TACC2: variants seen among roughly 807,000 people sequenced by gnomAD.
TACC2 encodes transforming acidic coiled-coil containing protein 2.
In TACC2, 137 loss-of-function variants were observed where a neutral mutation model predicts 227.3. The observed-to-expected ratio is 0.60, with a 90% confidence interval of 0.52 to 0.69. TACC2 has a LOEUF of 0.69. Among genes scored for constraint, TACC2 ranks in the 30% least tolerant of loss-of-function variants. TACC2 has a pLI of 0.00. For missense variants in TACC2, 3,470 were observed against 3,694.4 expected (o/e 0.94, Z 1.57); for synonymous variants, 1,523 against 1,487.5 (o/e 1.02, Z -0.55).
chr10:122,093,097 CT>C (rs59323311), intron 5 of TACC2, among the ~76,000 whole-genome samples: 133,275 of 146,554 alleles, frequency 0.91, 61,042 homozygotes, highest in Non-Finnish European at 0.97. Context: ...TTGTCTCTCT[CT>C]TTTTTTTTTT....
intron 1 of TACC2, among the ~76,000 whole-genome samples, chr10:121,998,895 T>C (rs1306289072): frequency 6.6e-6 from 1 of 152,320 alleles, no homozygotes; most frequent in South Asian, 2.1e-4. Flanking sequence ...CTTTACTGCA[T>C]GTTAAGCAAG....
intron 11 of TACC2, among the ~76,000 whole-genome samples, chr10:122,224,361 A>G (rs554694798): frequency 2.0e-5 from 3 of 152,274 alleles, no homozygotes; most frequent in East Asian, 1.9e-4. Context: ...CTCACCTGAC[A>G]GTTACAGAGG....
chr10:122,126,316 C>CTGTGTGTGTGTGTGTGTGTG (rs3037067), intron 5 of TACC2, among the ~76,000 whole-genome samples: 11,928 of 141,864 alleles, frequency 0.084, 745 homozygotes, highest in Non-Finnish European at 0.11. Flanking sequence ...TAATCCAGAA[C>CTGTGTGTGTGTGTGTGTGTG]TGTGTGTGTG....
chr10:122,243,034 C>G (rs534592975), intron 19 of TACC2, among the ~76,000 whole-genome samples: 1 of 152,296 alleles, frequency 6.6e-6, no homozygotes, highest in Middle Eastern at 3.4e-3. Context: ...ACCTCCACCC[C>G]CCAGGTTCGA....
chr10:122,008,265 T>TTATTATTA (rs1342584652), intron 1 of TACC2, among the ~76,000 whole-genome samples: 2 of 9,746 alleles, frequency 2.1e-4, no homozygotes, highest in African/African-American at 6.3e-4. Context: ...ATTATTATTA[T>TTATTATTA]TTTTTTTTTT....
At chr10:122,042,199 C>G (rs1044189692) in intron 2 of TACC2, among the ~76,000 whole-genome samples, 6 of 152,026 alleles carry the variant, frequency 3.9e-5, no homozygotes, top group South Asian at 2.1e-4. Context: ...CCCATCTCAG[C>G]CTTCCAAAGT....
intron 8 of TACC2, among the ~76,000 whole-genome samples, chr10:122,197,943 A>T (rs934673596): frequency 6.6e-6 from 1 of 152,238 alleles, no homozygotes; most frequent in African/African-American, 2.4e-5. Flanking sequence ...GTAGGAGAAG[A>T]AAGATTTGTT....
intron 18 of TACC2, among the ~76,000 whole-genome samples, chr10:122,239,869 C>A (rs750136000): frequency 1.3e-5 from 2 of 152,226 alleles, no homozygotes; most frequent in African/African-American, 4.8e-5. Flanking sequence ...GGCTCTGCTT[C>A]CCAGCCACTC....
At chr10:122,246,251 A>T (rs186820611) in intron 19 of TACC2, among the ~76,000 whole-genome samples, 1 of 151,950 alleles carries the variant, frequency 6.6e-6, no homozygotes, top group Admixed American at 6.6e-5. Context: ...ATAAATCCAC[A>T]CTCACGTGGG....
chr10:122,169,080 T>C (rs1455481323), intron 7 of TACC2, among the ~76,000 whole-genome samples: 2 of 152,252 alleles, frequency 1.3e-5, no homozygotes, highest in African/African-American at 4.8e-5. Context: ...TCAGAACTGC[T>C]CACACACATC....
intron 14 of TACC2, among the ~76,000 whole-genome samples, chr10:122,228,440 G>T (rs914621346): frequency 6.6e-6 from 1 of 152,078 alleles, no homozygotes. Flanking sequence ...CTCTCCCCAA[G>T]CCCTGTGGGG....
chr10:122,172,076 G>A (rs1178261994), intron 7 of TACC2, among the ~76,000 whole-genome samples: 24 of 152,092 alleles, frequency 1.6e-4, no homozygotes, highest in Non-Finnish European at 2.2e-4. Context: ...GTGGGCTCTC[G>A]GTACCTGACA....
At chr10:122,148,710 T>TG (rs1329638706) in intron 7 of TACC2, among the ~76,000 whole-genome samples, 1 of 152,262 alleles carries the variant, frequency 6.6e-6, no homozygotes, top group African/African-American at 2.4e-5. Context: ...TCCTGCTTCT[T>TG]GCGGCTGCTG....
At chr10:122,176,105 CTCTCTCTCTCTCTATATATATA>C (rs1249217338) in intron 7 of TACC2, among the ~76,000 whole-genome samples, 87 of 73,406 alleles carry the variant, frequency 1.2e-3, no homozygotes, top group African/African-American at 4.6e-3. Context: ...CTCTCTCTCT[CTCTCTCTCTCTCTATATATATA>C]TATATATATA....
At chr10:122,090,862 C>T (rs7904121) in intron 5 of TACC2, among the ~76,000 whole-genome samples, 5,014 of 152,216 alleles carry the variant, frequency 0.033, 301 homozygotes, top group African/African-American at 0.11. Context: ...CCACTTCAGC[C>T]TCCCTAGTAG....
rs2095635477 is a variant in TACC2 at position 122,226,647 on chromosome 10, C to T, written c.7724+166C>T. Among the ~76,000 whole-genome samples, 3 of 151,760 alleles carry T rather than the reference C, an allele frequency of 2.0e-5. No individual in the cohort carries two copies. The South Asian group carries it at 6.3e-4, about 32-fold the overall frequency. ...AGAGACAGAGTCTCACCATGATGCC[C>T]AGGCTGGTTTCAAACTCCTGGGCTC... On this transcript the variant is annotated intron_variant, in intron 13 of 22. Transcript: ENST00000369005.
At position 122,210,923 on chromosome 10, in the gene TACC2, G is replaced by A; in HGVS notation, c.6498G>A (p.Gly2166=). ...ATGAAGAGAGCCTTGTCCCCAGTGG[G>A]GAGAATCTAGCATCTGAGACGAAAA... ...EPDEESLVPS[G]ENLASETKTE... Residue 2166 remains glycine, a synonymous_variant, in exon 9 of 23, where the codon GGG becomes GGA. Coordinates refer to ENST00000369005, the MANE Select transcript of TACC2 (RefSeq NM_206862.4). This position sits in a 1 kb window ranked among gnomAD's most constrained non-coding sequence, Gnocchi z 4.6. 3 of 1,613,846 alleles carry A rather than the reference G, an allele frequency of 1.9e-6. No individual in the cohort carries two copies. The highest frequency in any genetic ancestry group is 2.5e-6 in the Non-Finnish European group (3 of 1,180,002).
Position 122,082,747 on chromosome 10 carries a change from G to T in TACC2, c.247G>T (p.Asp83Tyr). 2 of 1,614,034 alleles carry T rather than the reference G, an allele frequency of 1.2e-6. No homozygotes were observed. Among genetic ancestry groups the T allele is most frequent in the Non-Finnish European group, 1.7e-6 (2 of 1,180,026 alleles). ...CCCAGAGGTGACTGAGCCAAGGAAG[G>T]ACCCACAGGGAGCCAGGGGGCCAGA... ...VSPEVTEPRK[D>Y]PQGARGPEGS... Residue 83 changes from aspartate to tyrosine, a missense_variant, in exon 4 of 23, where the codon GAC (aspartate) becomes TAC (tyrosine). Physicochemically the swap from Asp to Tyr is radical, Grantham distance 160. Coordinates refer to ENST00000369005, the MANE Select transcript of TACC2 (RefSeq NM_206862.4).
Position 122,136,209 on chromosome 10 carries a change from C to T in TACC2, c.5699+3475C>T, listed in dbSNP as rs573201079. On this transcript the variant is annotated intron_variant, in intron 6 of 22. Coordinates refer to ENST00000369005, the MANE Select transcript of TACC2 (RefSeq NM_206862.4). ...GTGTCTCCTAATTCAGGGTTCATGG[C>T]GACTTGGTAGAACATTCCTGTGAAT... 2.0e-3 allele frequency among the ~76,000 whole-genome samples: 299 copies of T among 152,268 alleles called. 9 individuals are homozygous for T. The South Asian group carries it at 0.059, about 30-fold the overall frequency.
Sources: gnomAD v4.1 joint callset for allele counts (sites outside exome capture counted in the v4.1 genomes callset) on GRCh38, gnomAD v4.1.1 for gene constraint, Gnocchi (gnomAD v3.1) non-coding constraint, MANE v1.5 for transcripts, NCBI Gene and HGNC (gene_info 2026-07-23, HGNC 2026-07-21) for gene names.